Variants in SLC6A15 observed in about 807,000 individuals in gnomAD.
The protein encoded by SLC6A15 is sodium-dependent neutral amino acid transporter B(0)AT2.
SLC6A15 carries 33 observed loss-of-function variants against 68.5 expected under a neutral mutation model. The observed-to-expected ratio is 0.48, with a 90% CI of 0.37 to 0.64. SLC6A15 has a LOEUF of 0.64. SLC6A15 is among the 30% of genes least tolerant of loss of function. The pLI is 0.00. For missense variants in SLC6A15, 747 were observed against 874.3 expected (o/e 0.85, Z 1.84); for synonymous variants, 347 against 301.0 (o/e 1.15, Z -1.58).
At chr12:84,911,861 G>A (rs752671522) in intron 1 of SLC6A15, 1 of 152,292 alleles carries the variant, frequency 6.6e-6, no homozygotes, top group Non-Finnish European at 1.5e-5. Flanking sequence ...AGAAACACAG[G>A]AGCCGTGATT....
At chr12:84,882,488 G>T in intron 5 of SLC6A15, 1 of 927,990 alleles carries the variant, frequency 1.1e-6, no homozygotes, top group Non-Finnish European at 1.3e-6. Context: ...CAATTTACAA[G>T]TTAAAAAGTC....
chr12:84,898,483 T>C (rs1297066209), intron 1 of SLC6A15, among the ~76,000 whole-genome samples: 1 of 152,238 alleles, frequency 6.6e-6, no homozygotes, highest in East Asian at 1.9e-4. Context: ...AAAAGACATG[T>C]ATTGGTCCCA....
intron 6 of SLC6A15, among the ~76,000 whole-genome samples, chr12:84,875,217 A>ACATAATATAT (rs1565723100): frequency 6.6e-6 from 1 of 152,144 alleles, no homozygotes; most frequent in African/African-American, 2.4e-5. Context: ...TATACATATA[A>ACATAATATAT]GTATTTTTGG....
At chr12:84,864,009 T>C (rs1293160419) in intron 10 of SLC6A15, among the ~76,000 whole-genome samples, 2 of 150,968 alleles carry the variant, frequency 1.3e-5, no homozygotes, top group Non-Finnish European at 3.0e-5. Flanking sequence ...AAGGAATTAT[T>C]ACTATGCTAT....
chr12:84,887,590 A>G (rs772431494), intron 2 of SLC6A15, among the ~76,000 whole-genome samples: 43 of 152,200 alleles, frequency 2.8e-4, no homozygotes, highest in Non-Finnish European at 5.6e-4. Flanking sequence ...TTCTAAAATG[A>G]TTAGTAACAT....
At chr12:84,891,030 G>A (rs1034252571) in intron 2 of SLC6A15, among the ~76,000 whole-genome samples, 3 of 151,980 alleles carry the variant, frequency 2.0e-5, no homozygotes, top group African/African-American at 7.2e-5. Flanking sequence ...TTTGGTTTTG[G>A]TGTACTATAG....
In SLC6A15 at chr12:84,862,010, T is replaced by G. The variant is rs1244622383; in HGVS notation, c.1819-4A>C. 6.4e-7 allele frequency: 1 copy of G among 1,567,166 alleles called. No individual in the cohort carries two copies. The highest frequency in any genetic ancestry group is 8.6e-7 in the Non-Finnish European group (1 of 1,162,246). ...AGCTCAGAAATTCTTCAGATGCCTG[T>G]TAAAGAAGAAAATAATAATTATTAG... On this transcript the variant is annotated splice_region_variant and splice_polypyrimidine_tract_variant and intron_variant, in intron 11 of 11. Coordinates refer to ENST00000266682, the MANE Select transcript of SLC6A15 (RefSeq NM_182767.6).
intron 1 of SLC6A15, among the ~76,000 whole-genome samples, chr12:84,900,163 G>C (rs1872795627): frequency 6.6e-6 from 1 of 151,880 alleles, no homozygotes; most frequent in Non-Finnish European, 1.5e-5. Flanking sequence ...TCTCTCAACA[G>C]TGTTTCAGAG....
chr12:84,908,115 CTG>C (rs1270241859), intron 1 of SLC6A15, among the ~76,000 whole-genome samples: 4 of 152,166 alleles, frequency 2.6e-5, no homozygotes, highest in African/African-American at 7.2e-5. Context: ...TGTAACTTAA[CTG>C]TATCAATGTC....
At chr12:84,908,115 C>T (rs951747400) in intron 1 of SLC6A15, among the ~76,000 whole-genome samples, 2 of 152,048 alleles carry the variant, frequency 1.3e-5, no homozygotes, top group Non-Finnish European at 1.5e-5. Context: ...TGTAACTTAA[C>T]TGTATCAATG....
chr12:84,888,250 T>G (rs1592605754), intron 2 of SLC6A15, among the ~76,000 whole-genome samples: 1 of 65,334 alleles, frequency 1.5e-5, no homozygotes, highest in Admixed American at 1.6e-4. Flanking sequence ...GGTGACAGAG[T>G]GAGACCTTGT....
intron 1 of SLC6A15, among the ~76,000 whole-genome samples, chr12:84,893,809 A>C (rs1046486157): frequency 2.6e-5 from 4 of 152,230 alleles, no homozygotes; most frequent in African/African-American, 9.6e-5. Flanking sequence ...AGTTGTTTTA[A>C]AATTAAAATA....
chr12:84,867,478 A>G (rs1871111322), intron 9 of SLC6A15: 1 of 194,226 alleles, frequency 5.1e-6, no homozygotes. Context: ...AGTTTAGAGA[A>G]AAATTTAAAA....
At chr12:84,905,856 C>T (rs1873119207) in intron 1 of SLC6A15, among the ~76,000 whole-genome samples, 1 of 152,186 alleles carries the variant, frequency 6.6e-6, no homozygotes, top group Admixed American at 6.5e-5. Context: ...AAAAGATTTC[C>T]ATCACATAAG....
At chr12:84,865,963 T>G (rs983837174) in intron 10 of SLC6A15, among the ~76,000 whole-genome samples, 2 of 152,336 alleles carry the variant, frequency 1.3e-5, no homozygotes, top group African/African-American at 4.8e-5. Context: ...GTAGCATGAT[T>G]GCTGGATTAT....
Position 84,870,460 on chromosome 12 carries a change from C to G in SLC6A15, c.1495+18G>C. On this transcript the variant is annotated intron_variant, in intron 9 of 11. Coordinates refer to ENST00000266682, the MANE Select transcript of SLC6A15 (RefSeq NM_182767.6). ...GGCCTGGATTTGTTCAATGAAAAGT[C>G]AAATACAAAAAACTCACCAGTAAGA... The G allele has an allele frequency of 6.6e-7, 1 of 1,507,686 alleles. No homozygotes were observed. Among genetic ancestry groups the G allele is most frequent in the Non-Finnish European group, 8.9e-7 (1 of 1,126,270 alleles). The allele number at this position is 1,507,686 out of a possible 1,614,324, so 93.4% of individuals were successfully genotyped here.
rs1319672993 is a variant in SLC6A15, at chr12:84,876,600, T to C, written c.764A>G (p.Tyr255Cys). 1 of 1,496,888 alleles carries C rather than the reference T, an allele frequency of 6.7e-7. No homozygotes were observed. The highest frequency in any genetic ancestry group is 9.1e-7 in the Non-Finnish European group (1 of 1,093,494). The allele number at this position is 1,496,888 out of a possible 1,614,324, so 92.7% of individuals were successfully genotyped here. A position where few individuals can be genotyped will look rare whatever the true frequency, so the allele number is the denominator to read the frequency against. The stretch of plus-strand genomic sequence containing the variant: ...CACATATGGAAACAGAGAACTAAAA[T>C]ATATGATCTGCAAAGAAATAAAAAT... ...KGIQSSGKII[Y>C]FSSLFPYVVL... is the part of the protein sequence containing the mutation. Residue 255 changes from tyrosine (Y) to cysteine (C), a missense_variant, in exon 6 of 12, where the codon TAT becomes TGT. Physicochemically the swap from Tyr to Cys is radical, Grantham distance 194 (BLOSUM62 -2). Coordinates refer to ENST00000266682, the MANE Select transcript of SLC6A15 (RefSeq NM_182767.6).
At chr12:84,903,503 C>A (rs1872986712) in intron 1 of SLC6A15, among the ~76,000 whole-genome samples, 1 of 151,962 alleles carries the variant, frequency 6.6e-6, no homozygotes, top group Non-Finnish European at 1.5e-5. Flanking sequence ...CTTCCGGAGA[C>A]CAAAGAATCC....
intron 10 of SLC6A15, among the ~76,000 whole-genome samples, chr12:84,865,204 C>T (rs1871015948): frequency 6.6e-6 from 1 of 152,120 alleles, no homozygotes; most frequent in Admixed American, 6.5e-5. Context: ...CTACAGCTAA[C>T]ATATTGTATC....
Sources: allele counts gnomAD v4.1 joint callset (sites outside exome capture counted in the v4.1 genomes callset), GRCh38; gene constraint gnomAD v4.1.1; transcripts MANE v1.5; gene names NCBI Gene and HGNC (gene_info 2026-07-23, HGNC 2026-07-21).